SPAG9: variants seen among roughly 807,000 people sequenced by gnomAD.
The protein encoded by SPAG9 is C-Jun-amino-terminal kinase-interacting protein 4.
SPAG9 carries 35 observed loss-of-function variants against 166.5 expected under a neutral mutation model. That is an observed-to-expected ratio of 0.21 (90% CI 0.16 to 0.28). The LOEUF (loss-of-function observed/expected upper bound fraction) is 0.28. Among genes scored for constraint, SPAG9 ranks in the 10% least tolerant of loss-of-function variants. The pLI is 1.00. For missense variants in SPAG9, 1,235 were observed against 1,603.3 expected, an observed-to-expected ratio of 0.77 and a Z score of 3.92; for synonymous variants, 534 against 565.5, an observed-to-expected ratio of 0.94 and a Z score of 0.79.
intron 8 of SPAG9, among the ~76,000 whole-genome samples, chr17:51,019,726 T>C (rs1278838155): frequency 2.0e-5 from 3 of 150,024 alleles, no homozygotes; most frequent in Non-Finnish European, 4.4e-5. Flanking sequence ...GTGGCACATG[T>C]CTGTAATCCC....
chr17:51,074,109 G>A (rs959771531), intron 2 of SPAG9, among the ~76,000 whole-genome samples: 5 of 152,284 alleles, frequency 3.3e-5, no homozygotes, highest in African/African-American at 7.2e-5. Flanking sequence ...GGTGGCGGGC[G>A]CCTGTAGTCC....
intron 1 of SPAG9, among the ~76,000 whole-genome samples, chr17:51,098,012 C>G (rs921904045): frequency 6.6e-6 from 1 of 152,040 alleles, no homozygotes; most frequent in Non-Finnish European, 1.5e-5. Context: ...TCTGTAGAGA[C>G]AGGGTTTCAT....
chr17:51,063,359 C>A (rs1451181334), intron 2 of SPAG9, among the ~76,000 whole-genome samples: 1 of 150,642 alleles, frequency 6.6e-6, no homozygotes, highest in African/African-American at 2.5e-5. Context: ...TTGCAGTGAG[C>A]CAAGACTGTG....
chr17:51,008,177 C>T (rs1358772636), intron 9 of SPAG9, among the ~76,000 whole-genome samples: 2 of 152,100 alleles, frequency 1.3e-5, no homozygotes, highest in Admixed American at 1.3e-4. Context: ...TAATAATGTT[C>T]AGTTATCACT....
chr17:51,105,595 G>C (rs2048924379), intron 1 of SPAG9, among the ~76,000 whole-genome samples: 1 of 152,108 alleles, frequency 6.6e-6, no homozygotes, highest in Non-Finnish European at 1.5e-5. Flanking sequence ...GCTTGGCCGG[G>C]CGCAGTGGCT....
chr17:50,987,082 T>C (rs1975099193), intron 22 of SPAG9, 30 bp downstream of exon 22: 1 of 1,577,826 alleles, frequency 6.3e-7, no homozygotes, highest in African/African-American at 1.4e-5. Flanking sequence ...TAAAACAACA[T>C]ATTCTAATGT....
intron 1 of SPAG9, among the ~76,000 whole-genome samples, chr17:51,100,310 G>C (rs1264737541): frequency 7.6e-6 from 1 of 131,306 alleles, no homozygotes; most frequent in Non-Finnish European, 1.8e-5. Context: ...ATTTTTTAAA[G>C]AGTTAAAACT....
chr17:51,112,392 G>A (rs907490828), intron 1 of SPAG9, among the ~76,000 whole-genome samples: 1 of 142,204 alleles, frequency 7.0e-6, no homozygotes, highest in Non-Finnish European at 1.5e-5. Context: ...AAAAAAAAAG[G>A]CCAGGCGCAG....
chr17:51,025,434 T>C (rs2144232182), intron 6 of SPAG9, among the ~76,000 whole-genome samples: 1 of 151,366 alleles, frequency 6.6e-6, no homozygotes, highest in South Asian at 2.1e-4. Flanking sequence ...AATTCATTTG[T>C]TTGGAGTTGA....
At chr17:51,071,912 T>C (rs2047830108) in intron 2 of SPAG9, among the ~76,000 whole-genome samples, 1 of 151,964 alleles carries the variant, frequency 6.6e-6, no homozygotes, top group African/African-American at 2.4e-5. Flanking sequence ...ACATGAAAAC[T>C]AGAAAAGGCA....
rs150252991 is a variant in SPAG9 at position 51,033,473 on chromosome 17, A to G, written c.742-1751T>C. On this transcript the variant is annotated intron_variant, in intron 5 of 29. Coordinates refer to ENST00000262013, the MANE Select transcript of SPAG9 (RefSeq NM_001130528.3). ...AAATTTAGGGTTGAAGAAACTTCCC[A>G]TTCCTACTCCACATTCTTCAGTATT... Among the ~76,000 whole-genome samples the G allele has an allele frequency of 2.3e-4, 35 of 152,334 alleles. No homozygotes were observed. The Middle Eastern group carries it at 0.014, about 59-fold the overall frequency.
intron 1 of SPAG9, among the ~76,000 whole-genome samples, chr17:51,117,715 A>G (rs1359680856): frequency 1.3e-5 from 2 of 150,102 alleles, no homozygotes; most frequent in Admixed American, 6.6e-5. Flanking sequence ...TCTCAAAAAA[A>G]AAAAAAAAAA....
In SPAG9 at chr17:50,963,252, C is replaced by T. The variant is rs1038076364; in HGVS notation, c.*3020G>A. On this transcript the variant is annotated 3_prime_UTR_variant, in exon 30 of 30. Coordinates refer to ENST00000262013, the MANE Select transcript of SPAG9 (RefSeq NM_001130528.3). ...GTGAGATCAACCCAAAGTACGCAAGCCTCTTCTCTCCCTTGATGTGGTAGC... is the reference window on the plus strand; with the variant it reads ...GTGAGATCAACCCAAAGTACGCAAGTCTCTTCTCTCCCTTGATGTGGTAGC... The T allele has an allele frequency of 6.6e-6, 1 of 152,166 alleles. No individual in the cohort carries two copies. Among genetic ancestry groups the T allele is most frequent in the African/African-American group, 2.4e-5 (1 of 41,426 alleles). The allele number at this position is 152,166 out of a possible 1,614,324, so 9.4% of individuals were successfully genotyped here.
At chr17:51,068,552 G>A (rs549264886) in intron 2 of SPAG9, among the ~76,000 whole-genome samples, 12 of 152,176 alleles carry the variant, frequency 7.9e-5, no homozygotes, top group South Asian at 2.1e-4. Flanking sequence ...GACAGTCCAC[G>A]CTTAACCTCT....
chr17:50,974,701 G>T, intron 28 of SPAG9, 70 bp downstream of exon 28: 1 of 1,350,196 alleles, frequency 7.4e-7, no homozygotes, highest in Middle Eastern at 1.9e-4. Flanking sequence ...AGACTATTAG[G>T]TAGTGGAACC....
In SPAG9 at chr17:51,120,854, G is replaced by A. The variant is rs1468565250; in HGVS notation, c.-198C>T. The A allele has an allele frequency of 6.1e-6, 2 of 327,320 alleles. No homozygotes were observed. Among genetic ancestry groups the A allele is most frequent in the African/African-American group, 2.2e-5 (1 of 45,942 alleles). The allele number at this position is 327,320 out of a possible 1,614,324, so 20.3% of individuals were successfully genotyped here. A position where few individuals can be genotyped will look rare whatever the true frequency, so the allele number is the denominator to read the frequency against. Reference sequence around the variant, plus strand: ...CGTAGGCGCTCTCACCCCAACCGCCGCTGCACCAACTGCCGGGGCGGCCCG... The same window carrying A: ...CGTAGGCGCTCTCACCCCAACCGCCACTGCACCAACTGCCGGGGCGGCCCG... On this transcript the variant is annotated 5_prime_UTR_variant, in exon 1 of 30. Coordinates refer to ENST00000262013, the MANE Select transcript of SPAG9 (RefSeq NM_001130528.3). This position sits in a 1 kb window ranked among gnomAD's most constrained non-coding sequence, Gnocchi z 4.7.
intron 13 of SPAG9, 70 bp from the exon 14 acceptor site, chr17:50,999,787 G>C: frequency 1.5e-6 from 2 of 1,359,506 alleles, no homozygotes; most frequent in Non-Finnish European, 2.1e-6. Flanking sequence ...TGAAGAACAA[G>C]AGACCCAAGA....
intron 17 of SPAG9, 63 bp from the exon 18 acceptor site, chr17:50,995,287 TA>T: frequency 6.7e-7 from 1 of 1,481,802 alleles, no homozygotes; most frequent in South Asian, 1.2e-5. Flanking sequence ...CATGTTTTCT[TA>T]AAATAACTAA....
intron 25 of SPAG9, among the ~76,000 whole-genome samples, chr17:50,981,540 A>G (rs1456301285): frequency 6.6e-6 from 1 of 151,962 alleles, no homozygotes; most frequent in African/African-American, 2.4e-5. Context: ...AAAGAAAGAA[A>G]GAAAGAATAG....
Sources: gnomAD v4.1 joint callset for allele counts (sites outside exome capture counted in the v4.1 genomes callset) on GRCh38, gnomAD v4.1.1 for gene constraint, Gnocchi (gnomAD v3.1) non-coding constraint, MANE v1.5 for transcripts, NCBI Gene and HGNC (gene_info 2026-07-23, HGNC 2026-07-21) for gene names.